Variants in RASSF2 observed in about 807,000 individuals in gnomAD.
RASSF2 encodes Ras association domain family member 2, also known as ras association domain-containing protein 2.
RASSF2 carries 34 observed loss-of-function variants against 46.3 expected under a neutral mutation model. The ratio of observed to expected loss-of-function variants is 0.73; its 90% confidence interval spans 0.56 to 0.98. The LOEUF (loss-of-function observed/expected upper bound fraction) is 0.98. Among genes scored for constraint, RASSF2 ranks in the 50% least tolerant of loss-of-function variants. The probability of loss-of-function intolerance (pLI) is 0.00; values close to 1 mark genes in which losing one functional copy is unlikely to be tolerated. For synonymous variants in RASSF2, 158 were observed against 162.5 expected, an observed-to-expected ratio of 0.97 and a Z score of 0.21; for missense variants, 364 against 431.2, an observed-to-expected ratio of 0.84 and a Z score of 1.38.
intron 11 of RASSF2, among the ~76,000 whole-genome samples, chr20:4,785,878 G>C (rs1252070120): frequency 6.6e-6 from 1 of 152,134 alleles, no homozygotes; most frequent in Non-Finnish European, 1.5e-5. Flanking sequence ...CCTGCTGGGA[G>C]CCTGATCGTA....
In RASSF2 at chr20:4,823,570, C is replaced by A; in HGVS notation, c.-121G>T. 6.5e-6 allele frequency: 1 copy of A among 152,944 alleles called. No homozygotes were observed. The highest frequency in any genetic ancestry group is 1.5e-5 in the Non-Finnish European group (1 of 68,420). The allele number at this position is 152,944 out of a possible 1,614,324, so 9.5% of individuals were successfully genotyped here. The stretch of plus-strand genomic sequence containing the variant: ...TTCAGCCCCTACCGGATCTGCTCGT[C>A]CGCTGTCCTCTCTTTTCTCTCGCTC... On this transcript the variant is annotated 5_prime_UTR_variant, in exon 1 of 12. Coordinates refer to ENST00000379400, the MANE Select transcript of RASSF2 (RefSeq NM_014737.3).
At chr20:4,822,831 T>C (rs1021711265) in intron 1 of RASSF2, among the ~76,000 whole-genome samples, 2 of 151,912 alleles carry the variant, frequency 1.3e-5, no homozygotes, top group Non-Finnish European at 2.9e-5. Context: ...GGAATCCGCC[T>C]AGAAGACGGC....
rs1248176713 is a variant in RASSF2, at chr20:4,795,949, A to G, written c.153T>C (p.Ile51=). 20 of 1,536,064 alleles carry G rather than the reference A, an allele frequency of 1.3e-5. No individual in the cohort carries two copies. Among genetic ancestry groups the G allele is most frequent in the Admixed American group, 2.0e-5 (1 of 50,978 alleles). Reference sequence around the variant, plus strand: ...AGGAGATGTTCAGGAGCCCCTCCACAATGAACTCGTCTTCTTCCTGCCCAC... The same window carrying G: ...AGGAGATGTTCAGGAGCCCCTCCACGATGAACTCGTCTTCTTCCTGCCCAC... ...LRHREEEDEF[I]VEGLLNISWG... Residue 51 remains isoleucine (I), a synonymous_variant, in exon 5 of 12, where the codon ATT becomes ATC. Transcript: ENST00000379400. This position sits in a 1 kb window ranked among gnomAD's most constrained non-coding sequence, Gnocchi z 4.0.
rs536697047 is a variant in RASSF2 at position 4,790,391 on chromosome 20, T to C, written c.537+60A>G. The C allele has an allele frequency of 5.7e-5, 79 of 1,394,716 alleles. 1 individual carries two copies. The African/African-American group carries it at 9.4e-4, about 17-fold the overall frequency. The allele number at this position is 1,394,716 out of a possible 1,614,324, so 86.4% of individuals were successfully genotyped here. On this transcript the variant is annotated intron_variant, in intron 7 of 11. Coordinates refer to ENST00000379400, the MANE Select transcript of RASSF2 (RefSeq NM_014737.3). This position sits in a 1 kb window ranked among gnomAD's most constrained non-coding sequence, Gnocchi z 4.3. ...ACCACCCACCATATGGCTGTAGCCC[T>C]GAGGTGGCATCTACCCAGGAAGAGG...
chr20:4,791,943 C>G (rs749566577), intron 6 of RASSF2, among the ~76,000 whole-genome samples: 5 of 152,136 alleles, frequency 3.3e-5, no homozygotes, highest in South Asian at 2.1e-4. Context: ...ACTTGTATAA[C>G]TAGGGGAAGA....
At chr20:4,813,235 C>A (rs1158757327) in intron 2 of RASSF2, among the ~76,000 whole-genome samples, 1 of 152,186 alleles carries the variant, frequency 6.6e-6, no homozygotes, top group Non-Finnish European at 1.5e-5. Context: ...CCCGGAGCTG[C>A]CCCTGCCTGG....
rs1487482392 is a variant in RASSF2, at chr20:4,812,484, GC to G, written c.-33+9844del. 2.0e-5 allele frequency among the ~76,000 whole-genome samples: 3 copies of G among 152,182 alleles called. No individual in the cohort carries two copies. The highest frequency in any genetic ancestry group is 4.4e-5 in the Non-Finnish European group (3 of 68,028). Reference sequence around the variant, plus strand: ...CTCTTGAGGTGATAAGGAAGAAAGTGCTTTCAGCCAAAAATCAGCCAACCCA... The same window carrying G: ...CTCTTGAGGTGATAAGGAAGAAAGTGTTTCAGCCAAAAATCAGCCAACCCA... On this transcript the variant is annotated intron_variant, in intron 2 of 11. Coordinates refer to ENST00000379400, the MANE Select transcript of RASSF2 (RefSeq NM_014737.3). This position sits in a 1 kb window ranked among gnomAD's most constrained non-coding sequence, Gnocchi z 4.0.
At chr20:4,792,678 GGA>G in intron 5 of RASSF2, 51 bp from the exon 6 acceptor site, 1 of 1,592,324 alleles carries the variant, frequency 6.3e-7, no homozygotes, top group Non-Finnish European at 8.6e-7. Flanking sequence ...TAAGCCCTGT[GGA>G]GAGACGCCCC....
chr20:4,799,914 C>T (rs1926715611), intron 3 of RASSF2, among the ~76,000 whole-genome samples: 1 of 152,092 alleles, frequency 6.6e-6, no homozygotes, highest in African/African-American at 2.4e-5. Flanking sequence ...GTGTTCAAGA[C>T]CAGCCCGACC....
chr20:4,813,546 C>T (rs988750990), intron 2 of RASSF2, among the ~76,000 whole-genome samples: 2 of 152,224 alleles, frequency 1.3e-5, no homozygotes, highest in Non-Finnish European at 2.9e-5. Flanking sequence ...CCTCGCAGAC[C>T]GGAGGAGCAG....
rs1342606128 is a variant in RASSF2, at chr20:4,792,285, G to GGGGAA, written c.376+253_376+254insTTCCC. ...GGGGAGGGGAGGGGAGGGGAGGGGAGGGGGAAAGAAACTACATCCACCCAT... is the reference window on the plus strand; with the variant it reads ...GGGGAGGGGAGGGGAGGGGAGGGGAGGGGAAGGGGAAAGAAACTACATCCACCCAT... On this transcript the variant is annotated intron_variant, in intron 6 of 11. Coordinates refer to ENST00000379400, the MANE Select transcript of RASSF2 (RefSeq NM_014737.3). 5.9e-5 allele frequency among the ~76,000 whole-genome samples: 8 copies of GGGGAA among 135,822 alleles called. No individual in the cohort carries two copies. In the East Asian group the frequency reaches 1.6e-3, roughly 27 times the overall value. The allele number at this position is 135,822 out of a possible 152,430, so 89.1% of individuals were successfully genotyped here.
At chr20:4,789,292 A>G (rs1925650429) in intron 8 of RASSF2, among the ~76,000 whole-genome samples, 4 of 152,150 alleles carry the variant, frequency 2.6e-5, no homozygotes, top group Admixed American at 2.0e-4. Flanking sequence ...ATGTTTCTCA[A>G]ACTTCGGTAG....
At chr20:4,808,908 C>T (rs998208772) in intron 2 of RASSF2, among the ~76,000 whole-genome samples, 3 of 152,186 alleles carry the variant, frequency 2.0e-5, no homozygotes, top group Non-Finnish European at 4.4e-5. Context: ...TTAGAAAAAA[C>T]ACTTTAGAAA....
At chr20:4,793,207 G>C (rs1221175745) in intron 5 of RASSF2, among the ~76,000 whole-genome samples, 1 of 152,110 alleles carries the variant, frequency 6.6e-6, no homozygotes, top group African/African-American at 2.4e-5. Context: ...CTGAAGAAAG[G>C]GTTACAAGCA....
intron 2 of RASSF2, among the ~76,000 whole-genome samples, chr20:4,805,819 C>T (rs1030345638): frequency 6.6e-6 from 1 of 152,180 alleles, no homozygotes; most frequent in East Asian, 1.9e-4. Context: ...CCGGATGAAA[C>T]GTGGGGTGAC....
At chr20:4,785,155 C>CA (rs11454727) in intron 11 of RASSF2, among the ~76,000 whole-genome samples, 39,078 of 92,564 alleles carry the variant, frequency 0.42, 6,873 homozygotes, top group East Asian at 0.53. Flanking sequence ...ACTAAAAATA[C>CA]AAAAAAAAAA....
At chr20:4,822,568 G>A (rs182160247) in intron 1 of RASSF2, among the ~76,000 whole-genome samples, 165 bp from the exon 2 acceptor site, 6 of 152,360 alleles carry the variant, frequency 3.9e-5, no homozygotes, top group South Asian at 2.1e-4. Flanking sequence ...TGTCCCCAGA[G>A]CTCTCCGACT....
chr20:4,803,538 G>A (rs1927070585), intron 2 of RASSF2, among the ~76,000 whole-genome samples: 1 of 152,106 alleles, frequency 6.6e-6, no homozygotes, highest in Non-Finnish European at 1.5e-5. Context: ...AGGATCATTC[G>A]AGGCCAGGAG....
intron 9 of RASSF2, among the ~76,000 whole-genome samples, 171 bp downstream of exon 9, chr20:4,788,046 A>T (rs1925521839): frequency 6.6e-6 from 1 of 152,170 alleles, no homozygotes; most frequent in South Asian, 2.1e-4. Context: ...TACTGGCCAT[A>T]TAAGGCAATC....
Sources: allele counts gnomAD v4.1 joint callset (sites outside exome capture counted in the v4.1 genomes callset), GRCh38; gene constraint gnomAD v4.1.1; non-coding constraint Gnocchi (gnomAD v3.1); transcripts MANE v1.5; gene names NCBI Gene and HGNC (gene_info 2026-07-23, HGNC 2026-07-21).